Variants in AHNAK2 observed in about 807,000 individuals in gnomAD.
The protein encoded by AHNAK2 is protein AHNAK2.
AHNAK2 carries 18 observed loss-of-function variants against 30.7 expected under a neutral mutation model. The observed-to-expected ratio is 0.59, with a 90% CI of 0.41 to 0.87. The LOEUF (loss-of-function observed/expected upper bound fraction) is 0.87, where lower values mean the gene tolerates loss of function less well. Among genes scored for constraint, AHNAK2 ranks in the 40% least tolerant of loss-of-function variants. The pLI is 0.00. For missense variants in AHNAK2, 8,604 were observed against 7,373.0 expected, an observed-to-expected ratio of 1.17 and a Z score of -6.11; for synonymous variants, 3,590 against 3,073.8, an observed-to-expected ratio of 1.17 and a Z score of -5.56.
intron 1 of AHNAK2, among the ~76,000 whole-genome samples, chr14:104,957,889 C>G (rs369782443): frequency 6.6e-5 from 10 of 152,270 alleles, no homozygotes; most frequent in African/African-American, 2.2e-4. Context: ...TGAGACTGGA[C>G]TTATTCCAAG....
At position 104,949,246 on chromosome 14, in the gene AHNAK2, C is replaced by A; in HGVS notation, c.6205G>T (p.Gly2069Trp). Reference sequence around the variant, plus strand: ...GGCATCTCCACCTTGGGCAGGTGCCCTTTGAGGCCAGCTCCCTCGGGCACG... The same window carrying A: ...GGCATCTCCACCTTGGGCAGGTGCCATTTGAGGCCAGCTCCCTCGGGCACG... ...GHVPEGAGLKGHLPKVEMPSL... is the reference protein window; with the variant it reads ...GHVPEGAGLKWHLPKVEMPSL... The change falls in exon 7 of 7, where the codon GGG (glycine) becomes TGG (tryptophan). Residue 2069 changes from glycine to tryptophan, a missense_variant. Physicochemically the swap from Gly to Trp is radical, Grantham distance 184. Coordinates refer to ENST00000333244, the MANE Select transcript of AHNAK2 (RefSeq NM_138420.4). 3 of 1,069,424 alleles carry A rather than the reference C, an allele frequency of 2.8e-6. 1 individual carries two copies. The highest frequency in any genetic ancestry group is 4.1e-6 in the Non-Finnish European group (3 of 734,536). 66.2% of individuals were successfully genotyped at this position (1,069,424 alleles called of 1,614,324 possible).
rs763053524 is a variant in AHNAK2 at position 104,947,445 on chromosome 14, G to A, written c.8006C>T (p.Ala2669Val). ...CTTCAGCTCAGACACATCCACCAAC[G>A]CCTCGATGGACTCGCCTGGGGCCGA... is the stretch of plus-strand genomic sequence containing the variant. Reference protein sequence around the residue: ...RVSAPGESIEALVDVSELKVE... With the variant: ...RVSAPGESIEVLVDVSELKVE... The change falls in exon 7 of 7, where the codon GCG becomes GTG. Residue 2669 changes from alanine (A) to valine (V), a missense_variant. Transcript: ENST00000333244. The A allele has an allele frequency of 7.0e-5, 113 of 1,612,278 alleles. 1 individual carries two copies. In the South Asian group the frequency reaches 1.1e-3, roughly 15 times the overall value.
At chr14:104,956,465 C>G in intron 4 of AHNAK2, 123 bp downstream of exon 4, 1 of 959,184 alleles carries the variant, frequency 1.0e-6, no homozygotes, top group Non-Finnish European at 1.6e-6. Context: ...CCCTCCTCCC[C>G]AGGGCACGGG....
intron 1 of AHNAK2, among the ~76,000 whole-genome samples, chr14:104,972,673 T>C (rs1899498353): frequency 6.6e-6 from 1 of 152,084 alleles, no homozygotes; most frequent in Non-Finnish European, 1.5e-5. Flanking sequence ...GGAGATCTCC[T>C]CCTGGTGCAC....
Position 104,943,753 on chromosome 14 carries a change from C to G in AHNAK2, c.11698G>C (p.Asp3900His), listed in dbSNP as rs765261301. The G allele has an allele frequency of 2.5e-6, 4 of 1,612,564 alleles. No homozygotes were observed. The highest frequency in any genetic ancestry group is 3.4e-6 in the Non-Finnish European group (4 of 1,179,468). Residue 3900 changes from aspartate (D) to histidine (H), a missense_variant, in exon 7 of 7, where the codon GAC becomes CAC. Physicochemically the swap from Asp to His is moderately conservative, Grantham distance 81. Transcript: ENST00000333244. Reference protein sequence around the residue: ...QMPSFKMPKVDLKGPEIDIKG... With the variant: ...QMPSFKMPKVHLKGPEIDIKG... ...ATGTCTATTTCAGGGCCCTTGAGGT[C>G]GACTTTGGGCATCTTGAAACTGGGC...
rs1899309868 is a variant in AHNAK2, at chr14:104,966,629, TG to T, written c.56-8958del. Among the ~76,000 whole-genome samples, 1 of 151,738 alleles carries T rather than the reference TG, an allele frequency of 6.6e-6. No homozygotes were observed. Among genetic ancestry groups the T allele is most frequent in the Admixed American group, 6.6e-5 (1 of 15,238 alleles). ...CCAAACCCTCCACTCCTTGCCCACC[TG>T]CCCCCTCCCACTCCCTCCACGTGGC... On this transcript the variant is annotated intron_variant, in intron 1 of 6. Transcript: ENST00000333244. This position sits in a 1 kb window ranked among gnomAD's most constrained non-coding sequence, Gnocchi z 4.3.
Position 104,947,786 on chromosome 14 carries a change from A to AG in AHNAK2, c.7664dup (p.Val2556CysfsTer23). 6.2e-7 allele frequency: 1 copy of AG among 1,606,938 alleles called. No homozygotes were observed. Among genetic ancestry groups the AG allele is most frequent in the East Asian group, 2.3e-5 (1 of 44,402 alleles). ...CTTTGAGGCCGGCTCCCTCCGGCAC[A>AG]GGGCCCTCTGGGAGTTTCACGTCCA... On this transcript the variant is annotated frameshift_variant, in exon 7 of 7. Transcript: ENST00000333244. LOFTEE classifies it low-confidence loss of function (END_TRUNC).
In AHNAK2 at chr14:104,948,207, T is replaced by A. The variant is rs769326212; in HGVS notation, c.7244A>T (p.Asp2415Val). ...GACATCTATCTGGGGGCCCTTGAGATCTACTTTGGGCATCTTGAAACTGGG... is the reference window on the plus strand; with the variant it reads ...GACATCTATCTGGGGGCCCTTGAGAACTACTTTGGGCATCTTGAAACTGGG... ...QMPSFKMPKV[D>V]LKGPQIDVKG... Residue 2415 changes from aspartate to valine, a missense_variant, in exon 7 of 7, where the codon GAT becomes GTT. Asp to Val is a radical substitution (Grantham distance 152). Coordinates refer to ENST00000333244, the MANE Select transcript of AHNAK2 (RefSeq NM_138420.4). 9.9e-6 allele frequency: 16 copies of A among 1,612,022 alleles called. No individual in the cohort carries two copies. Among genetic ancestry groups the A allele is most frequent in the Admixed American group, 1.7e-5 (1 of 59,828 alleles).
chr14:104,970,094 T>C (rs930734083), intron 1 of AHNAK2, among the ~76,000 whole-genome samples: 5 of 152,024 alleles, frequency 3.3e-5, no homozygotes, highest in African/African-American at 1.2e-4. Flanking sequence ...GCTCTTGGCA[T>C]TCACCTCCCC....
Position 104,946,874 on chromosome 14 carries a change from A to C in AHNAK2, c.8577T>G (p.Thr2859=), listed in dbSNP as rs372705773. Residue 2859 remains threonine, a synonymous_variant, in exon 7 of 7, where the codon ACT becomes ACG. Coordinates refer to ENST00000333244, the MANE Select transcript of AHNAK2 (RefSeq NM_138420.4). ...FPSMQGDLKT[T]DIRIQPPSAQ... ...CGGAGGGGGGCTGAATGCGGATGTCAGTGGTCTTAAGATCCCCTTGCATGG... is the reference window on the plus strand; with the variant it reads ...CGGAGGGGGGCTGAATGCGGATGTCCGTGGTCTTAAGATCCCCTTGCATGG... 479 of 1,612,266 alleles carry C rather than the reference A, an allele frequency of 3.0e-4. 1 individual carries two copies. The African/African-American group carries it at 5.9e-3, about 20-fold the overall frequency.
At chr14:104,962,831 C>A (rs768401509) in intron 1 of AHNAK2, among the ~76,000 whole-genome samples, 2 of 152,158 alleles carry the variant, frequency 1.3e-5, no homozygotes, top group Non-Finnish European at 2.9e-5. Flanking sequence ...TAAACCTGGA[C>A]CCTTCCATCC....
chr14:104,963,853 A>G (rs1365792101), intron 1 of AHNAK2, among the ~76,000 whole-genome samples: 7 of 151,320 alleles, frequency 4.6e-5, no homozygotes, highest in Non-Finnish European at 8.8e-5. Flanking sequence ...AAAAAAAAAG[A>G]GAGAGAGAGA....
chr14:104,949,902 G>A lies in AHNAK2; in HGVS notation c.5549C>T (p.Ala1850Val), dbSNP rs199972079. The A allele has an allele frequency of 2.5e-4, 394 of 1,585,362 alleles. 36 individuals are homozygous for A. Among genetic ancestry groups the A allele is most frequent in the East Asian group, 3.8e-4 (17 of 44,596 alleles). ...GCTCACTTCGGCCTCCACCTTCGGC[G>A]CAGACACATCCACCGAGGCCTCGAT... Reference protein sequence around the residue: ...KSIEASVDVSAPKVEAEVSLP... With the variant: ...KSIEASVDVSVPKVEAEVSLP... Residue 1850 changes from alanine (A) to valine (V), a missense_variant, in exon 7 of 7, where the codon GCG becomes GTG. Transcript: ENST00000333244.
Position 104,954,275 on chromosome 14 carries a change from G to C in AHNAK2, c.1176C>G (p.Ser392Arg). ...EQDREVMPAQ[S>R]MPLPTELGDP... The stretch of plus-strand genomic sequence containing the variant: ...CACCGAGCTCTGTGGGCAATGGCAT[G>C]CTCTGAGCAGGCATCACTTCTCGAT... Residue 392 changes from serine (S) to arginine (R), a missense_variant, in exon 7 of 7, where the codon AGC becomes AGG. Physicochemically the swap from Ser to Arg is moderately radical, Grantham distance 110. Coordinates refer to ENST00000333244, the MANE Select transcript of AHNAK2 (RefSeq NM_138420.4). This position sits in a 1 kb window ranked among gnomAD's most constrained non-coding sequence, Gnocchi z 4.3. 6.2e-7 allele frequency: 1 copy of C among 1,613,328 alleles called. No individual in the cohort carries two copies. The highest frequency in any genetic ancestry group is 8.5e-7 in the Non-Finnish European group (1 of 1,179,880).
rs1400336547 is a variant in AHNAK2, at chr14:104,946,352, G to A, written c.9099C>T (p.Ala3033=). 3 of 1,611,922 alleles carry A rather than the reference G, an allele frequency of 1.9e-6. No individual in the cohort carries two copies. Among genetic ancestry groups the A allele is most frequent in the African/African-American group, 1.3e-5 (1 of 74,380 alleles). The change falls in exon 7 of 7, where the codon GCC becomes GCT. Residue 3033 remains alanine, a synonymous_variant. Transcript: ENST00000333244. ...CCTGGCCAGCCTGGACCTCCAGTTG[G>A]GCAGAGGGGGGCTCAATGCTGATGT... ...TTDISIEPPS[A]QLEVQAGQVD... is the part of the protein sequence containing the mutation.
At chr14:104,970,602 G>T (rs1899447489) in intron 1 of AHNAK2, 1 of 854,138 alleles carries the variant, frequency 1.2e-6, no homozygotes, top group Non-Finnish European at 1.4e-6. Context: ...TCTGGACCCT[G>T]CCAGGACCCC....
At chr14:104,956,363 C>A (rs1490921410) in intron 4 of AHNAK2, among the ~76,000 whole-genome samples, 1 of 152,156 alleles carries the variant, frequency 6.6e-6, no homozygotes, top group Non-Finnish European at 1.5e-5. Flanking sequence ...GCATCAGACT[C>A]CACCCCAGGG....
In AHNAK2 at chr14:104,953,711, T is replaced by C. The variant is rs760774972; in HGVS notation, c.1740A>G (p.Ile580Met). The C allele has an allele frequency of 6.2e-7, 1 of 1,613,992 alleles. No individual in the cohort carries two copies. Among genetic ancestry groups the C allele is most frequent in the Non-Finnish European group, 8.5e-7 (1 of 1,179,886 alleles). ...DKGREDTEGQ[I>M]RMPKFKIPSL... ...AGGGTATCTTGAACTTGGGCATTCT[T>C]ATCTGTCCTTCTGTGTCTTCCCTGC... The change falls in exon 7 of 7, where the codon ATA (isoleucine) becomes ATG (methionine). Residue 580 changes from isoleucine to methionine, a missense_variant. Physicochemically the swap from Ile to Met is conservative, Grantham distance 10 (BLOSUM62 1). Transcript: ENST00000333244.
Position 104,949,505 on chromosome 14 carries a change from A to C in AHNAK2, c.5946T>G (p.Thr1982=). 1 of 1,587,950 alleles carries C rather than the reference A, an allele frequency of 6.3e-7. No homozygotes were observed. The highest frequency in any genetic ancestry group is 1.4e-5 in the African/African-American group (1 of 73,200). ...GDLSLADKDM[T]AKDSKFKMPK... ...GCATTTTGAACTTGCTGTCTTTGGC[A>C]GTCATGTCCTTGTCGGCCAGGGACA... Residue 1982 remains threonine (T), a synonymous_variant, in exon 7 of 7, where the codon ACT becomes ACG. Transcript: ENST00000333244.
Sources: allele counts gnomAD v4.1 joint callset (sites outside exome capture counted in the v4.1 genomes callset), GRCh38; gene constraint gnomAD v4.1.1; non-coding constraint Gnocchi (gnomAD v3.1); transcripts MANE v1.5; gene names NCBI Gene and HGNC (gene_info 2026-07-23, HGNC 2026-07-21).